ZFHX3: variants seen among roughly 807,000 people sequenced by gnomAD.
ZFHX3 encodes the protein zinc finger homeobox 3, also known as zinc finger homeobox protein 3.
In ZFHX3, 42 loss-of-function variants were observed where a neutral mutation model predicts 279.1. The ratio of observed to expected loss-of-function variants is 0.15; its 90% CI spans 0.12 to 0.19. The LOEUF (loss-of-function observed/expected upper bound fraction) is 0.19, where lower values mean the gene tolerates loss of function less well. ZFHX3 is among the 10% of genes least tolerant of loss of function. ZFHX3 has a pLI of 1.00. For synonymous variants in ZFHX3, 2,293 were observed against 1,957.8 expected (o/e 1.17, Z -4.52); for missense variants, 4,981 against 4,754.0 (o/e 1.05, Z -1.40).
In ZFHX3 at chr16:72,957,416, G is replaced by C; in HGVS notation, c.2719+11C>G. On this transcript the variant is annotated intron_variant, in intron 2 of 9. Transcript: ENST00000268489. ...TATCATGAAAACAGACAAACACGTA[G>C]TCATCCTCACCTAGAGCAGGCGTCA... 6.3e-7 allele frequency: 1 copy of C among 1,592,486 alleles called. No individual in the cohort carries two copies. Among genetic ancestry groups the C allele is most frequent in the Non-Finnish European group, 8.6e-7 (1 of 1,168,408 alleles).
rs1245845667 is a variant in ZFHX3 at position 73,850,430 on chromosome 16, CTG to C, written c.-1608+41219_-1608+41220del. On this transcript the variant is annotated intron_variant, in intron 1 of 17. Coordinates refer to the ZFHX3 transcript ENST00000641206. ...AATCAAGATGGCTTCCTTCTGAAAA[CTG>C]AGTCTGTCTCATGTCTGATTTCACA... is the stretch of plus-strand genomic sequence containing the variant. Among the ~76,000 whole-genome samples, 9 of 152,264 alleles carry C rather than the reference CTG, an allele frequency of 5.9e-5. No individual in the cohort carries two copies. The East Asian group carries it at 1.7e-3, about 29-fold the overall frequency.
intron 7 of ZFHX3, among the ~76,000 whole-genome samples, chr16:72,801,880 G>C (rs1356607202): frequency 6.6e-6 from 1 of 151,866 alleles, no homozygotes; most frequent in African/African-American, 2.4e-5. Flanking sequence ...CCTCAGCTGA[G>C]GGGGAGCACG....
chr16:73,248,790 T>G (rs980989178), intron 5 of ZFHX3, among the ~76,000 whole-genome samples: 1 of 152,142 alleles, frequency 6.6e-6, no homozygotes, highest in East Asian at 1.9e-4. Context: ...AGAAGTTGCA[T>G]TCGATCCTTA....
At chr16:72,931,272 C>G (rs776084499) in intron 3 of ZFHX3, among the ~76,000 whole-genome samples, 12 of 152,134 alleles carry the variant, frequency 7.9e-5, no homozygotes, top group Non-Finnish European at 1.5e-4. Context: ...ACATACTTCG[C>G]ACATCGTTTC....
chr16:73,267,821 A>G (rs979918097), intron 4 of ZFHX3, among the ~76,000 whole-genome samples: 48 of 152,318 alleles, frequency 3.2e-4, no homozygotes, highest in African/African-American at 1.1e-3. Flanking sequence ...AATTTTCATT[A>G]AGTGAACTTC....
In ZFHX3 at chr16:72,964,896, T is replaced by G. The variant is rs530619708; in HGVS notation, c.-49-4702A>C. On this transcript the variant is annotated intron_variant, in intron 1 of 9. Coordinates refer to ENST00000268489, the MANE Select transcript of ZFHX3 (RefSeq NM_006885.4). Reference sequence around the variant, plus strand: ...AGAGTATGGGTGTGGAGTCTATGCTTTCAGGCAGTTTTCCTTTGTCACCCA... The same window carrying G: ...AGAGTATGGGTGTGGAGTCTATGCTGTCAGGCAGTTTTCCTTTGTCACCCA... Among the ~76,000 whole-genome samples, 4 of 152,246 alleles carry G rather than the reference T, an allele frequency of 2.6e-5. No homozygotes were observed. The South Asian group carries it at 8.3e-4, about 32-fold the overall frequency.
At chr16:73,653,426 A>C (rs2052690500) in intron 2 of ZFHX3, among the ~76,000 whole-genome samples, 1 of 152,210 alleles carries the variant, frequency 6.6e-6, no homozygotes, top group Admixed American at 6.5e-5. Context: ...GAAATCATTA[A>C]ACAAAAATAA....
intron 3 of ZFHX3, among the ~76,000 whole-genome samples, chr16:73,431,170 A>C (rs1260663394): frequency 6.6e-6 from 1 of 152,208 alleles, no homozygotes. Context: ...ATACATGCTA[A>C]GGTAGTCTGT....
intron 2 of ZFHX3, among the ~76,000 whole-genome samples, chr16:73,650,218 A>T (rs1343374031): frequency 6.6e-6 from 1 of 152,126 alleles, no homozygotes; most frequent in South Asian, 2.1e-4. Flanking sequence ...TTAAGTAGCT[A>T]TTTAAGATTA....
At chr16:73,839,326 C>CAAAAAAGAAAAAAA (rs1961233006) in intron 1 of ZFHX3, among the ~76,000 whole-genome samples, 1 of 30,040 alleles carries the variant, frequency 3.3e-5, no homozygotes, top group African/African-American at 1.2e-4. Flanking sequence ...GACTCCATCT[C>CAAAAAAGAAAAAAA]AAAAAAAAAA....
At chr16:73,044,339 C>G (rs1965218354) in intron 1 of ZFHX3, among the ~76,000 whole-genome samples, 1 of 152,116 alleles carries the variant, frequency 6.6e-6, no homozygotes, top group South Asian at 2.1e-4. Context: ...CCTTAGGAAC[C>G]AGAGCAAGCC....
intron 3 of ZFHX3, among the ~76,000 whole-genome samples, chr16:73,336,765 C>T (rs1431587515): frequency 6.6e-6 from 1 of 152,152 alleles, no homozygotes; most frequent in African/African-American, 2.4e-5. Context: ...AACCTTTCAT[C>T]CACTAAAGCA....
intron 3 of ZFHX3, among the ~76,000 whole-genome samples, chr16:72,921,121 CAG>C (rs1381231766): frequency 2.1e-5 from 3 of 145,040 alleles, no homozygotes; most frequent in Non-Finnish European, 3.0e-5. Flanking sequence ...CTCAGATACT[CAG>C]AGTGTCCTCG....
At chr16:73,358,811 A>G (rs1216045772) in intron 3 of ZFHX3, among the ~76,000 whole-genome samples, 1 of 152,246 alleles carries the variant, frequency 6.6e-6, no homozygotes, top group African/African-American at 2.4e-5. Context: ...CAGGATCTGA[A>G]TTCTGGCTCT....
intron 2 of ZFHX3, chr16:73,504,902 A>G (rs2019298898): frequency 6.6e-6 from 1 of 152,202 alleles, no homozygotes; most frequent in African/African-American, 2.4e-5. Context: ...GGAATCACAC[A>G]GGAATTTATT....
At chr16:73,651,236 GA>G (rs34022957) in intron 2 of ZFHX3, among the ~76,000 whole-genome samples, 87,078 of 147,624 alleles carry the variant, frequency 0.59, 27,124 homozygotes, top group Middle Eastern at 0.83. Flanking sequence ...AATACGAGGA[GA>G]AAAAAAAAAA....
intron 1 of ZFHX3, among the ~76,000 whole-genome samples, chr16:72,999,734 G>C (rs1963426397): frequency 6.6e-6 from 1 of 152,106 alleles, no homozygotes; most frequent in African/African-American, 2.4e-5. Flanking sequence ...GGTCTCACCT[G>C]AGCCCACGAG....
chr16:73,042,920 C>G (rs11862034), intron 1 of ZFHX3, among the ~76,000 whole-genome samples: 68,818 of 151,090 alleles, frequency 0.46, 17,543 homozygotes, highest in East Asian at 0.81. Context: ...CCCCTTATGT[C>G]ATTAGCTTCC....
intron 3 of ZFHX3, among the ~76,000 whole-genome samples, chr16:73,334,131 C>G (rs1258243638): frequency 1.3e-5 from 2 of 152,138 alleles, no homozygotes; most frequent in Non-Finnish European, 2.9e-5. Flanking sequence ...GCCCCAAAGG[C>G]AGCAGGGCCA....
Sources: allele counts gnomAD v4.1 joint callset (sites outside exome capture counted in the v4.1 genomes callset), GRCh38; gene constraint gnomAD v4.1.1; transcripts MANE v1.5; gene names NCBI Gene and HGNC (gene_info 2026-07-23, HGNC 2026-07-21).